RFX2: variants seen among roughly 807,000 people sequenced by gnomAD.
The protein encoded by RFX2 is regulatory factor X2, also known as DNA-binding protein RFX2.
A neutral mutation model predicts 87.8 loss-of-function variants in RFX2; 20 were observed. The ratio of observed to expected loss-of-function variants is 0.23; its 90% CI spans 0.16 to 0.33. The LOEUF (loss-of-function observed/expected upper bound fraction) is 0.33, where lower values mean the gene tolerates loss of function less well. Among genes scored for constraint, RFX2 ranks in the 10% least tolerant of loss-of-function variants. The probability of loss-of-function intolerance (pLI) is 1.00; values close to 1 mark genes in which losing one functional copy is unlikely to be tolerated. For missense variants in RFX2, 767 were observed against 1,012.3 expected (o/e 0.76, Z 3.29); for synonymous variants, 397 against 431.3 (o/e 0.92, Z 0.98).
Position 6,017,473 on chromosome 19 carries a change from G to A in RFX2, c.598-1202C>T, listed in dbSNP as rs1271433543. Among the ~76,000 whole-genome samples, 1 of 152,222 alleles carries A rather than the reference G, an allele frequency of 6.6e-6. No individual in the cohort carries two copies. Among genetic ancestry groups the A allele is most frequent in the East Asian group, 1.9e-4 (1 of 5,192 alleles). On this transcript the variant is annotated intron_variant, in intron 6 of 17. Transcript: ENST00000303657. This position sits in a 1 kb window ranked among gnomAD's most constrained non-coding sequence, Gnocchi z 4.1. ...CTCCCTCTGCTATCGTCTGTCCCCTGATCCAGAGAGGTCTGCTATGTGAAT... is the reference window on the plus strand; with the variant it reads ...CTCCCTCTGCTATCGTCTGTCCCCTAATCCAGAGAGGTCTGCTATGTGAAT...
Position 6,079,100 on chromosome 19 carries a change from T to C in RFX2, c.-9+31293A>G, listed in dbSNP as rs889386698. ...CATTACTTGCATATCATTTTAAAAGTTGTAATTCATTGGTAAACATTCTAA... is the reference window on the plus strand; with the variant it reads ...CATTACTTGCATATCATTTTAAAAGCTGTAATTCATTGGTAAACATTCTAA... On this transcript the variant is annotated intron_variant, in intron 1 of 17. Coordinates refer to ENST00000303657, the MANE Select transcript of RFX2 (RefSeq NM_000635.4). Among the ~76,000 whole-genome samples the C allele has an allele frequency of 2.6e-5, 4 of 152,190 alleles. 1 individual carries two copies. Among genetic ancestry groups the C allele is most frequent in the South Asian group, 4.1e-4 (2 of 4,828 alleles).
chr19:6,048,554 C>T (rs2087227263), intron 1 of RFX2, among the ~76,000 whole-genome samples: 1 of 152,174 alleles, frequency 6.6e-6, no homozygotes, highest in South Asian at 2.1e-4. Flanking sequence ...ATGTCACCCT[C>T]CCAGTGTGGG....
chr19:6,063,053 G>C lies in RFX2; in HGVS notation c.-8-15549C>G, dbSNP rs929396797. Among the ~76,000 whole-genome samples the C allele has an allele frequency of 2.0e-5, 3 of 152,124 alleles. No individual in the cohort carries two copies. The highest frequency in any genetic ancestry group is 1.3e-4 in the Admixed American group (2 of 15,264). On this transcript the variant is annotated intron_variant, in intron 1 of 17. Transcript: ENST00000303657. The surrounding 1 kb of genome is among the most constrained non-coding windows in gnomAD (Gnocchi z 4.0). ...CACATCCCCTCCCGTGAGCTGCTGT[G>C]TCTCGTATCCCTCCTGTCCTGCCGC...
At chr19:6,081,230 C>T (rs113352703) in intron 1 of RFX2, among the ~76,000 whole-genome samples, 3 of 152,076 alleles carry the variant, frequency 2.0e-5, no homozygotes, top group Admixed American at 1.3e-4. Context: ...GCTTCCCGGC[C>T]GGGTATGGTG....
At chr19:6,091,265 G>C (rs1401827406) in intron 1 of RFX2, among the ~76,000 whole-genome samples, 1 of 152,112 alleles carries the variant, frequency 6.6e-6, no homozygotes, top group Non-Finnish European at 1.5e-5. Context: ...GCTGAGGCTG[G>C]GGATTGCTTG....
chr19:6,003,327 A>T (rs755204550), intron 13 of RFX2, among the ~76,000 whole-genome samples: 1 of 152,052 alleles, frequency 6.6e-6, no homozygotes, highest in Non-Finnish European at 1.5e-5. Context: ...TGTCTCCCAA[A>T]GTGCTGGGAT....
chr19:6,038,183 C>T (rs960194430), intron 5 of RFX2, among the ~76,000 whole-genome samples: 7 of 151,650 alleles, frequency 4.6e-5, no homozygotes, highest in Admixed American at 2.6e-4. Context: ...AAAAACTAGC[C>T]GGGTGTGGTG....
At chr19:6,073,300 A>G (rs888848412) in intron 1 of RFX2, 5 of 1,107,084 alleles carry the variant, frequency 4.5e-6, no homozygotes, top group Non-Finnish European at 6.8e-6. Flanking sequence ...TTGATGCCCA[A>G]CACTGGTCAT....
chr19:6,086,360 C>G (rs2087855887), intron 1 of RFX2, among the ~76,000 whole-genome samples: 1 of 152,198 alleles, frequency 6.6e-6, no homozygotes, highest in South Asian at 2.1e-4. Context: ...ACGTAGCACA[C>G]CTGGGCTGTA....
chr19:6,006,989 G>A (rs772038980), intron 12 of RFX2, 23 bp downstream of exon 12: 38 of 1,612,278 alleles, frequency 2.4e-5, no homozygotes, highest in Non-Finnish European at 3.0e-5. Context: ...GAGCAGCGCC[G>A]GGCGGGGCCG....
rs374068665 is a variant in RFX2, at chr19:6,039,823, G to A, written c.522+157C>T. Among the ~76,000 whole-genome samples the A allele has an allele frequency of 5.9e-5, 9 of 152,254 alleles. No homozygotes were observed. Among genetic ancestry groups the A allele is most frequent in the Non-Finnish European group, 1.0e-4 (7 of 68,056 alleles). On this transcript the variant is annotated intron_variant, in intron 5 of 17. Coordinates refer to ENST00000303657, the MANE Select transcript of RFX2 (RefSeq NM_000635.4). This position sits in a 1 kb window ranked among gnomAD's most constrained non-coding sequence, Gnocchi z 5.2. ...AGGCCTGCCTATGGTTGCGTGGCCC[G>A]TCTGAGGCTGGCCCGACTCCATCGT... is the stretch of plus-strand genomic sequence containing the variant.
At chr19:6,085,142 T>C (rs1003725987) in intron 1 of RFX2, among the ~76,000 whole-genome samples, 1 of 152,190 alleles carries the variant, frequency 6.6e-6, no homozygotes, top group African/African-American at 2.4e-5. Context: ...CTATTGTAAA[T>C]CATGCTGCTA....
At chr19:6,034,870 A>G (rs931970468) in intron 5 of RFX2, among the ~76,000 whole-genome samples, 1 of 151,646 alleles carries the variant, frequency 6.6e-6, no homozygotes, top group African/African-American at 2.4e-5. Flanking sequence ...GCTCAGATAG[A>G]CTCTTGTTTA....
chr19:6,010,384 AAC>A lies in RFX2; in HGVS notation c.900-135_900-134del. On this transcript the variant is annotated intron_variant, in intron 8 of 17. Transcript: ENST00000303657. The surrounding 1 kb of genome is among the most constrained non-coding windows in gnomAD (Gnocchi z 5.0). ...TTACAAGTTGCGGTCAAATACACAT[AAC>A]ACAAAAGCTACCATCGGAACCATCT... 2 of 635,660 alleles carry A rather than the reference AAC, an allele frequency of 3.1e-6. No individual in the cohort carries two copies. The highest frequency in any genetic ancestry group is 3.5e-5 in the South Asian group (2 of 56,880). The allele number at this position is 635,660 out of a possible 1,614,324, so 39.4% of individuals were successfully genotyped here. A position where few individuals can be genotyped will look rare whatever the true frequency, so the allele number is the denominator to read the frequency against.
chr19:6,095,309 T>C (rs1464851614), intron 1 of RFX2, among the ~76,000 whole-genome samples: 2 of 152,186 alleles, frequency 1.3e-5, no homozygotes, highest in African/African-American at 4.8e-5. Context: ...AGCAAAATGA[T>C]TTTTAGATGT....
At chr19:6,107,114 T>C (rs2088228545) in intron 1 of RFX2, among the ~76,000 whole-genome samples, 1 of 149,458 alleles carries the variant, frequency 6.7e-6, no homozygotes, top group Admixed American at 6.7e-5. Flanking sequence ...GCTAACACAG[T>C]GAAACCCCGT....
rs2086562438 is a variant in RFX2 at position 6,005,087 on chromosome 19, T to TGAC, written c.1403-792_1403-790dup. Among the ~76,000 whole-genome samples, 3 of 152,152 alleles carry TGAC rather than the reference T, an allele frequency of 2.0e-5. No homozygotes were observed. The East Asian group carries it at 5.8e-4, about 29-fold the overall frequency. ...TGAGCCTCCTGCAATCCAGCCTGAG[T>TGAC]GACAAGAGCAAAACTCTGTCTTAAA... On this transcript the variant is annotated intron_variant, in intron 12 of 17. Transcript: ENST00000303657.
intron 1 of RFX2, among the ~76,000 whole-genome samples, chr19:6,066,122 G>A (rs1054549227): frequency 1.3e-5 from 2 of 152,112 alleles, no homozygotes; most frequent in East Asian, 3.9e-4. Context: ...GGAGGAGGTG[G>A]GGGAGTGAGG....
At position 5,997,515 on chromosome 19, in the gene RFX2, C is replaced by G. The variant is rs1599833804; in HGVS notation, c.1860-302G>C. ...CTGCGGGAAACAACTGTGGCTGGTG[C>G]TAGCGCAGGCGCTAGATGGGATCTT... On this transcript the variant is annotated intron_variant, in intron 15 of 17. Coordinates refer to ENST00000303657, the MANE Select transcript of RFX2 (RefSeq NM_000635.4). This position sits in a 1 kb window ranked among gnomAD's most constrained non-coding sequence, Gnocchi z 4.2. 1 of 342,532 alleles carries G rather than the reference C, an allele frequency of 2.9e-6. No individual in the cohort carries two copies. The highest frequency in any genetic ancestry group is 5.3e-6 in the Non-Finnish European group (1 of 188,028). 21.2% of individuals were successfully genotyped at this position (342,532 alleles called of 1,614,324 possible).
Sources: allele counts gnomAD v4.1 joint callset (sites outside exome capture counted in the v4.1 genomes callset), GRCh38; gene constraint gnomAD v4.1.1; non-coding constraint Gnocchi (gnomAD v3.1); transcripts MANE v1.5; gene names NCBI Gene and HGNC (gene_info 2026-07-23, HGNC 2026-07-21).